CNTNAP4: variants seen among roughly 807,000 people sequenced by gnomAD.
CNTNAP4 encodes the protein contactin associated protein family member 4.
A neutral mutation model predicts 148.4 loss-of-function variants in CNTNAP4; 98 were observed. The ratio of observed to expected loss-of-function variants is 0.66; its 90% CI spans 0.56 to 0.78. The LOEUF (loss-of-function observed/expected upper bound fraction) is 0.78. Ranked by LOEUF, CNTNAP4 falls within the 30% of genes least tolerant of loss-of-function variation. The probability of loss-of-function intolerance (pLI) is 0.00; values close to 1 mark genes in which losing one functional copy is unlikely to be tolerated. For missense variants in CNTNAP4, 1,935 were observed against 1,565.6 expected, an observed-to-expected ratio of 1.24 and a Z score of -3.98; for synonymous variants, 730 against 565.1, an observed-to-expected ratio of 1.29 and a Z score of -4.14.
Position 76,505,382 on chromosome 16 carries a change from C to A in CNTNAP4, c.2365+6688C>A, listed in dbSNP as rs2143952024. 3.1e-5 allele frequency among the ~76,000 whole-genome samples: 3 copies of A among 97,674 alleles called. 1 individual carries two copies. The Middle Eastern group carries it at 0.022, about 729-fold the overall frequency. The allele number at this position is 97,674 out of a possible 152,430, so 64.1% of individuals were successfully genotyped here. A position where few individuals can be genotyped will look rare whatever the true frequency, so the allele number is the denominator to read the frequency against. ...AGTGAAAGAAGCCAGACTAAAAAGCCTACATGCTTTGAATGATTCAATTTC... is the reference window on the plus strand; with the variant it reads ...AGTGAAAGAAGCCAGACTAAAAAGCATACATGCTTTGAATGATTCAATTTC... On this transcript the variant is annotated intron_variant, in intron 15 of 23. Transcript: ENST00000611870.
At chr16:76,415,106 T>A (rs6564332) in intron 3 of CNTNAP4, among the ~76,000 whole-genome samples, 1 of 150,848 alleles carries the variant, frequency 6.6e-6, no homozygotes, top group Non-Finnish European at 1.5e-5. Context: ...ACACAATTCC[T>A]CCAAATTTTG....
chr16:76,283,319 GTTGT>G (rs1298209807), intron 1 of CNTNAP4, among the ~76,000 whole-genome samples: 1 of 151,766 alleles, frequency 6.6e-6, no homozygotes, highest in Non-Finnish European at 1.5e-5. Context: ...TTAGTCCCAG[GTTGT>G]TTAAGAAATC....
At chr16:76,360,728 G>A (rs556463968) in intron 3 of CNTNAP4, among the ~76,000 whole-genome samples, 1 of 151,642 alleles carries the variant, frequency 6.6e-6, no homozygotes, top group East Asian at 1.9e-4. Flanking sequence ...TCTTCAGGAA[G>A]TTTCCTGTTT....
intron 21 of CNTNAP4, among the ~76,000 whole-genome samples, chr16:76,545,976 G>A (rs951394336): frequency 3.9e-5 from 6 of 151,930 alleles, no homozygotes; most frequent in African/African-American, 7.2e-5. Flanking sequence ...CGGAGGTTGC[G>A]GTGAGCTGAG....
chr16:76,281,606 T>C (rs1958690815), intron 1 of CNTNAP4, among the ~76,000 whole-genome samples: 1 of 152,080 alleles, frequency 6.6e-6, no homozygotes, highest in Non-Finnish European at 1.5e-5. Flanking sequence ...ATTTCTGTAT[T>C]GGAGCTAATG....
At position 76,427,518 on chromosome 16, in the gene CNTNAP4, A is replaced by G. The variant is rs1340784584; in HGVS notation, c.457A>G (p.Arg153Gly). 1.9e-6 allele frequency: 3 copies of G among 1,613,348 alleles called. No individual in the cohort carries two copies. The highest frequency in any genetic ancestry group is 2.2e-5 in the East Asian group (1 of 44,862). ...TAGACTCCAGCCTTCTATCAAAGCC[A>G]GATTTCTGCGCTTCATCCCTTTGGA... is the stretch of plus-strand genomic sequence containing the variant. ...YYRLQPSIKARFLRFIPLEWN... is the reference protein window; with the variant it reads ...YYRLQPSIKAGFLRFIPLEWN... Residue 153 changes from arginine (R) to glycine (G), a missense_variant, in exon 4 of 24, where the codon AGA (arginine) becomes GGA (glycine). Arg to Gly is a moderately radical substitution (Grantham distance 125). Coordinates refer to ENST00000611870, the MANE Select transcript of CNTNAP4 (RefSeq NM_033401.5).
In CNTNAP4 at chr16:76,559,837, G is replaced by A. The variant is rs770792532; in HGVS notation, c.*1154G>A. Among the ~76,000 whole-genome samples, 4 of 126,294 alleles carry A rather than the reference G, an allele frequency of 3.2e-5. No homozygotes were observed. Among genetic ancestry groups the A allele is most frequent in the African/African-American group, 6.0e-5 (2 of 33,560 alleles). 82.9% of individuals were successfully genotyped at this position (126,294 alleles called of 152,430 possible). On this transcript the variant is annotated 3_prime_UTR_variant, in exon 24 of 24. Coordinates refer to ENST00000611870, the MANE Select transcript of CNTNAP4 (RefSeq NM_033401.5). ...CCAGTACATACTTTTTGAAATATGAGCTGCAACCATCAGTGATCTACACAA... is the reference window on the plus strand; with the variant it reads ...CCAGTACATACTTTTTGAAATATGAACTGCAACCATCAGTGATCTACACAA...
At chr16:76,333,600 G>A (rs1355304878) in intron 2 of CNTNAP4, among the ~76,000 whole-genome samples, 1 of 151,942 alleles carries the variant, frequency 6.6e-6, no homozygotes, top group Non-Finnish European at 1.5e-5. Flanking sequence ...TGCTTCCTCA[G>A]GGGCAGTTTC....
chr16:76,422,958 G>A (rs1461230312), intron 3 of CNTNAP4, among the ~76,000 whole-genome samples: 2 of 152,068 alleles, frequency 1.3e-5, no homozygotes, highest in Non-Finnish European at 1.5e-5. Flanking sequence ...GGGGCCTTTT[G>A]GGAGTTGATT....
intron 4 of CNTNAP4, among the ~76,000 whole-genome samples, chr16:76,447,047 C>A (rs373823153): frequency 6.6e-6 from 1 of 152,180 alleles, no homozygotes; most frequent in East Asian, 1.9e-4. Flanking sequence ...GTGGCTCACG[C>A]CTTTAATCGC....
chr16:76,364,498 G>C (rs2013864603), intron 3 of CNTNAP4, among the ~76,000 whole-genome samples: 1 of 152,030 alleles, frequency 6.6e-6, no homozygotes. Context: ...TAAAACACTT[G>C]ATAACTTGTA....
chr16:76,421,752 C>G (rs1244482032), intron 3 of CNTNAP4, among the ~76,000 whole-genome samples: 1 of 152,126 alleles, frequency 6.6e-6, no homozygotes, highest in African/African-American at 2.4e-5. Flanking sequence ...ATGTAGGTCA[C>G]AAGAATTCTC....
chr16:76,287,576 T>G (rs1958939081), intron 1 of CNTNAP4: 1 of 152,182 alleles, frequency 6.6e-6, no homozygotes, highest in South Asian at 2.1e-4. Flanking sequence ...TTCTCTGTTT[T>G]TCTGAGTTAG....
chr16:76,551,580 G>A (rs1221130514), intron 21 of CNTNAP4, among the ~76,000 whole-genome samples: 4 of 152,038 alleles, frequency 2.6e-5, no homozygotes, highest in Non-Finnish European at 5.9e-5. Context: ...CTCATAATTT[G>A]GAATACAGTA....
intron 2 of CNTNAP4, among the ~76,000 whole-genome samples, chr16:76,320,593 T>C (rs996324446): frequency 6.6e-6 from 1 of 152,138 alleles, no homozygotes; most frequent in Non-Finnish European, 1.5e-5. Flanking sequence ...CATAGTATTG[T>C]CATTGTTGGA....
At position 76,545,123 on chromosome 16, in the gene CNTNAP4, G is replaced by A. The variant is rs1007015343; in HGVS notation, c.3442+4333G>A. Among the ~76,000 whole-genome samples, 8 of 152,176 alleles carry A rather than the reference G, an allele frequency of 5.3e-5. No individual in the cohort carries two copies. In the East Asian group the frequency reaches 7.7e-4, roughly 15 times the overall value. ...TTTTAAAAGGAAAGTGCAAGTTAGA[G>A]CAAGAAAAGTAAAATCAAAATCTAT... On this transcript the variant is annotated intron_variant, in intron 21 of 23. Coordinates refer to ENST00000611870, the MANE Select transcript of CNTNAP4 (RefSeq NM_033401.5).
At chr16:76,377,654 G>C (rs1254532902) in intron 3 of CNTNAP4, among the ~76,000 whole-genome samples, 6 of 152,186 alleles carry the variant, frequency 3.9e-5, no homozygotes, top group Non-Finnish European at 7.3e-5. Context: ...GAGGACCTCA[G>C]TCTGGAGGGG....
chr16:76,553,425 A>G lies in CNTNAP4; in HGVS notation c.3585A>G (p.Gly1195=). ...PSHPDPVTVT[G]HVTESSCMAQ... The stretch of plus-strand genomic sequence containing the variant: ...ACCCAGACCCTGTCACTGTTACAGG[A>G]CACGTGACTGAGTCCAGCTGTATGG... The change falls in exon 22 of 24, where the codon GGA becomes GGG. Residue 1195 remains glycine (G), a synonymous_variant. Transcript: ENST00000611870. 6.2e-7 allele frequency: 1 copy of G among 1,612,818 alleles called. No individual in the cohort carries two copies. The highest frequency in any genetic ancestry group is 1.3e-5 in the African/African-American group (1 of 75,020).
At chr16:76,490,281 T>A (rs1379598919) in intron 13 of CNTNAP4, among the ~76,000 whole-genome samples, 1 of 152,226 alleles carries the variant, frequency 6.6e-6, no homozygotes, top group African/African-American at 2.4e-5. Context: ...AAGCGATTAT[T>A]CTACGTGCCT....
Sources: allele counts gnomAD v4.1 joint callset (sites outside exome capture counted in the v4.1 genomes callset), GRCh38; gene constraint gnomAD v4.1.1; transcripts MANE v1.5; gene names NCBI Gene and HGNC (gene_info 2026-07-23, HGNC 2026-07-21).